The following TAOK3 variants were observed in gnomAD, a reference collection of about 807,000 sequenced individuals.
TAOK3 encodes the protein TAO kinase 3.
Under a neutral mutation model 120.4 loss-of-function variants are expected in TAOK3, and 40 were observed. That is an observed-to-expected ratio of 0.33 (90% CI 0.26 to 0.43). The LOEUF is 0.43. TAOK3 is among the 20% of genes least tolerant of loss of function. The pLI is 1.00. For missense variants in TAOK3, 821 were observed against 1,112.1 expected, an observed-to-expected ratio of 0.74 and a Z score of 3.72; for synonymous variants, 355 against 387.5, an observed-to-expected ratio of 0.92 and a Z score of 0.99.
intron 6 of TAOK3, 71 bp downstream of exon 6, chr12:118,239,156 T>C: frequency 9.8e-7 from 1 of 1,021,782 alleles, no homozygotes; most frequent in Non-Finnish European, 1.5e-6. Context: ...CAAACTACAC[T>C]TTAGTATGGC....
chr12:118,362,343 TGCATAAATCTC>T (rs2045624553), intron 1 of TAOK3, among the ~76,000 whole-genome samples: 1 of 140,706 alleles, frequency 7.1e-6, no homozygotes, highest in African/African-American at 2.6e-5. Flanking sequence ...AAAAGGTCCA[TGCATAAATCTC>T]ACATAAATCT....
chr12:118,333,832 T>C (rs2141045732), intron 1 of TAOK3, among the ~76,000 whole-genome samples: 1 of 147,280 alleles, frequency 6.8e-6, no homozygotes, highest in African/African-American at 2.6e-5. Flanking sequence ...CTGGGTATTT[T>C]ATAAAAAAAA....
At chr12:118,369,325 C>G (rs2045835699) in intron 1 of TAOK3, among the ~76,000 whole-genome samples, 1 of 152,136 alleles carries the variant, frequency 6.6e-6, no homozygotes, top group African/African-American at 2.4e-5. Context: ...CTCTCCTAAC[C>G]CCCCAGGGAA....
chr12:118,308,211 T>A (rs2043123417), intron 1 of TAOK3, among the ~76,000 whole-genome samples: 1 of 152,058 alleles, frequency 6.6e-6, no homozygotes, highest in Non-Finnish European at 1.5e-5. Flanking sequence ...CCATGACAGT[T>A]TACAGATGCC....
chr12:118,207,887 C>CACACACACACAT (rs1437919622), intron 11 of TAOK3, among the ~76,000 whole-genome samples: 7 of 151,832 alleles, frequency 4.6e-5, no homozygotes, highest in African/African-American at 1.7e-4. Context: ...CACACACACA[C>CACACACACACAT]ACATGCACAA....
chr12:118,352,651 C>A (rs2045225665), intron 1 of TAOK3, among the ~76,000 whole-genome samples: 1 of 152,108 alleles, frequency 6.6e-6, no homozygotes, highest in Admixed American at 6.6e-5. Flanking sequence ...ACAGACTGGA[C>A]CCAAATAGGA....
chr12:118,235,711 A>G, intron 7 of TAOK3, 40 bp from the exon 8 acceptor site: 1 of 1,356,914 alleles, frequency 7.4e-7, no homozygotes, highest in South Asian at 1.2e-5. Flanking sequence ...TTACTTTTCA[A>G]TTTTGATTAT....
chr12:118,347,389 A>C (rs2044910176), intron 1 of TAOK3, among the ~76,000 whole-genome samples: 2 of 152,020 alleles, frequency 1.3e-5, no homozygotes, highest in Non-Finnish European at 1.5e-5. Context: ...TTCAATCCGC[A>C]GTTGCTTCCT....
At chr12:118,245,190 G>GCCA in intron 3 of TAOK3, among the ~76,000 whole-genome samples, 1 of 152,074 alleles carries the variant, frequency 6.6e-6, no homozygotes, top group Middle Eastern at 3.4e-3. Context: ...GCACCACCAT[G>GCCA]CCACGCTAAT....
chr12:118,320,402 G>A (rs2043653310), intron 1 of TAOK3, among the ~76,000 whole-genome samples: 1 of 151,794 alleles, frequency 6.6e-6, no homozygotes, highest in Non-Finnish European at 1.5e-5. Context: ...GACAAGCCTG[G>A]ACAACGTAGC....
intron 9 of TAOK3, among the ~76,000 whole-genome samples, chr12:118,226,426 C>T (rs1205678729): frequency 2.0e-5 from 3 of 150,946 alleles, no homozygotes; most frequent in African/African-American, 4.9e-5. Context: ...ACCAGCTATT[C>T]GGGAGGCTGA....
In TAOK3 at chr12:118,243,419, G is replaced by A. The variant is rs772392401; in HGVS notation, c.290C>T (p.Ala97Val). The change falls in exon 5 of 21, where the codon GCT (alanine) becomes GTT (valine). Residue 97 changes from alanine (A) to valine (V), a missense_variant. By Grantham distance (64) the Ala-to-Val change is moderately conservative. Transcript: ENST00000392533. ...YKGCYLKEHTAWLVMEYCLGS... is the reference protein window; with the variant it reads ...YKGCYLKEHTVWLVMEYCLGS... ...AATAGAGGTCCTTCGACTTACCCAA[G>A]CAGTGTGTTCTTTCAAGTAACAGCC... is the stretch of plus-strand genomic sequence containing the variant. 4 of 1,550,996 alleles carry A rather than the reference G, an allele frequency of 2.6e-6. No homozygotes were observed. The South Asian group carries it at 4.8e-5, about 18-fold the overall frequency.
At chr12:118,164,574 C>T (rs550858971) in intron 17 of TAOK3, among the ~76,000 whole-genome samples, 10 of 151,928 alleles carry the variant, frequency 6.6e-5, no homozygotes, top group African/African-American at 1.7e-4. Flanking sequence ...CCCACCACCA[C>T]GCCTGGCTAA....
intron 9 of TAOK3, among the ~76,000 whole-genome samples, chr12:118,223,676 C>CT (rs1374924522): frequency 6.9e-6 from 1 of 145,624 alleles, no homozygotes; most frequent in Non-Finnish European, 1.5e-5. Context: ...CAGAGTCTCT[C>CT]TTTGTCTCCC....
intron 1 of TAOK3, among the ~76,000 whole-genome samples, chr12:118,317,898 C>A (rs1161970949): frequency 3.3e-5 from 5 of 152,048 alleles, no homozygotes; most frequent in Admixed American, 6.5e-5. Flanking sequence ...CAAAACACTG[C>A]AGTACTGGCC....
chr12:118,372,028 T>G lies in TAOK3; in HGVS notation c.-194+620A>C, dbSNP rs1220100321. ...TCCGGGACCCCTCCTCTTCTCCCACTGTCTTGGCCCTTCCTGGGGTCTTCT... is the reference window on the plus strand; with the variant it reads ...TCCGGGACCCCTCCTCTTCTCCCACGGTCTTGGCCCTTCCTGGGGTCTTCT... On this transcript the variant is annotated intron_variant, in intron 1 of 20. Coordinates refer to ENST00000392533, the MANE Select transcript of TAOK3 (RefSeq NM_016281.4). This position sits in a 1 kb window ranked among gnomAD's most constrained non-coding sequence, Gnocchi z 4.6. Among the ~76,000 whole-genome samples the G allele has an allele frequency of 6.6e-6, 1 of 150,968 alleles. No homozygotes were observed. The highest frequency in any genetic ancestry group is 1.5e-5 in the Non-Finnish European group (1 of 67,668).
intron 1 of TAOK3, among the ~76,000 whole-genome samples, chr12:118,346,194 G>A (rs1419720220): frequency 6.6e-6 from 1 of 152,070 alleles, no homozygotes; most frequent in Non-Finnish European, 1.5e-5. Flanking sequence ...ACTATCTTAG[G>A]TCAGGGACTT....
intron 3 of TAOK3, among the ~76,000 whole-genome samples, chr12:118,247,267 T>C (rs181619222): frequency 4.6e-5 from 7 of 152,300 alleles, no homozygotes; most frequent in Admixed American, 2.0e-4. Flanking sequence ...GGATTACTTA[T>C]ATTTTATAAT....
chr12:118,194,781 C>G (rs766392689), intron 13 of TAOK3, among the ~76,000 whole-genome samples: 2 of 152,050 alleles, frequency 1.3e-5, no homozygotes, highest in African/African-American at 2.4e-5. Flanking sequence ...AGTCTTTGCT[C>G]TGTCACCCAG....
Sources: allele counts gnomAD v4.1 joint callset (sites outside exome capture counted in the v4.1 genomes callset), GRCh38; gene constraint gnomAD v4.1.1; non-coding constraint Gnocchi (gnomAD v3.1); transcripts MANE v1.5; gene names NCBI Gene and HGNC (gene_info 2026-07-23, HGNC 2026-07-21).